The following CD247 variants were observed in gnomAD, a reference collection of about 807,000 sequenced individuals.
CD247 encodes the protein CD247 molecule, also known as T-cell surface glycoprotein CD3 zeta chain.
A neutral mutation model predicts 30.0 loss-of-function variants in CD247; 13 were observed. The ratio of observed to expected loss-of-function variants is 0.43; its 90% CI spans 0.28 to 0.69. The LOEUF is 0.69. CD247 is among the 30% of genes least tolerant of loss of function. The pLI is 0.16. For missense variants in CD247, 193 were observed against 212.6 expected (o/e 0.91, Z 0.57); for synonymous variants, 72 against 80.0 (o/e 0.90, Z 0.53).
intron 1 of CD247, among the ~76,000 whole-genome samples, chr1:167,453,296 C>A (rs995252992): frequency 6.6e-6 from 1 of 152,080 alleles, no homozygotes; most frequent in African/African-American, 2.4e-5. Flanking sequence ...GACTGAAGGT[C>A]AGGGAGGTGA....
intron 1 of CD247, among the ~76,000 whole-genome samples, chr1:167,469,737 C>A (rs1653420647): frequency 6.6e-6 from 1 of 151,956 alleles, no homozygotes; most frequent in Admixed American, 6.6e-5. Flanking sequence ...CATTACAGAG[C>A]TGTTTGAAAG....
chr1:167,506,407 G>T (rs1217228139), intron 1 of CD247, among the ~76,000 whole-genome samples: 1 of 145,942 alleles, frequency 6.9e-6, no homozygotes, highest in Non-Finnish European at 1.5e-5. Context: ...AAGTGCAGTA[G>T]TATTATCACG....
chr1:167,449,121 A>C (rs1419874911), intron 1 of CD247, among the ~76,000 whole-genome samples: 2 of 142,630 alleles, frequency 1.4e-5, no homozygotes, highest in Non-Finnish European at 3.1e-5. Flanking sequence ...TTATGTTTTG[A>C]GCGATACTTT....
At chr1:167,512,353 GA>G (rs556553174) in intron 1 of CD247, among the ~76,000 whole-genome samples, 15 of 152,308 alleles carry the variant, frequency 9.8e-5, no homozygotes, top group African/African-American at 3.6e-4. Context: ...GAGAGGCAAG[GA>G]AGAAGGAAGT....
At chr1:167,435,514 C>T in intron 4 of CD247, 80 bp from the exon 5 acceptor site, 1 of 1,138,496 alleles carries the variant, frequency 8.8e-7, no homozygotes. Context: ...CCCATCCTGC[C>T]CCCTGACTGC....
intron 1 of CD247, among the ~76,000 whole-genome samples, chr1:167,443,878 G>A (rs181110074): frequency 6.6e-6 from 1 of 152,272 alleles, no homozygotes; most frequent in East Asian, 1.9e-4. Flanking sequence ...ACCTGTGCTG[G>A]GAGAGATGGG....
chr1:167,438,728 G>A, intron 3 of CD247, 78 bp from the exon 4 acceptor site: 4 of 1,153,320 alleles, frequency 3.5e-6, no homozygotes, highest in Non-Finnish European at 5.3e-6. Flanking sequence ...GGGGAGTGTG[G>A]TTTCCCTCTC....
At chr1:167,490,777 G>A (rs1654413274) in intron 1 of CD247, among the ~76,000 whole-genome samples, 1 of 151,928 alleles carries the variant, frequency 6.6e-6, no homozygotes, top group Non-Finnish European at 1.5e-5. Context: ...TAGCCTGGTG[G>A]GGTGGTGGGT....
chr1:167,512,725 G>A (rs924134380), intron 1 of CD247, among the ~76,000 whole-genome samples: 1 of 152,078 alleles, frequency 6.6e-6, no homozygotes, highest in Non-Finnish European at 1.5e-5. Flanking sequence ...AGGCACTTCC[G>A]AATCAGATCT....
At chr1:167,483,235 C>T (rs539756879) in intron 1 of CD247, among the ~76,000 whole-genome samples, 22 of 152,006 alleles carry the variant, frequency 1.4e-4, no homozygotes, top group African/African-American at 4.8e-4. Flanking sequence ...CTCAAACTCC[C>T]GACCTCGGGT....
chr1:167,494,749 T>C lies in CD247; in HGVS notation c.58+23659A>G, dbSNP rs1314904267. ...CCTATAATTCCTGGATACAGATAAA[T>C]GTTTATTAAAGAATGTGAAGGTCTC... On this transcript the variant is annotated intron_variant, in intron 1 of 7. Coordinates refer to ENST00000362089, the MANE Select transcript of CD247 (RefSeq NM_198053.3). The surrounding 1 kb of genome is among the most constrained non-coding windows in gnomAD (Gnocchi z 7.3). 1.3e-5 allele frequency among the ~76,000 whole-genome samples: 2 copies of C among 152,200 alleles called. No homozygotes were observed. The highest frequency in any genetic ancestry group is 2.9e-5 in the Non-Finnish European group (2 of 68,042).
intron 1 of CD247, among the ~76,000 whole-genome samples, chr1:167,492,651 G>A (rs1332079709): frequency 6.6e-5 from 10 of 152,158 alleles, no homozygotes; most frequent in Admixed American, 2.0e-4. Context: ...GCCCCAGGTA[G>A]GGGACATCCC....
chr1:167,499,315 T>C (rs1654813363), intron 1 of CD247, among the ~76,000 whole-genome samples: 1 of 152,194 alleles, frequency 6.6e-6, no homozygotes, highest in South Asian at 2.1e-4. Context: ...CCAGGTGTTT[T>C]AGTGCAGAGG....
At chr1:167,483,645 T>C (rs1442002840) in intron 1 of CD247, among the ~76,000 whole-genome samples, 2 of 152,230 alleles carry the variant, frequency 1.3e-5, no homozygotes, top group Non-Finnish European at 2.9e-5. Context: ...CTTACTTGCC[T>C]GAGGTCACAC....
chr1:167,450,923 A>AAAAAG (rs1331138951), intron 1 of CD247, among the ~76,000 whole-genome samples: 2,375 of 151,212 alleles, frequency 0.016, 79 homozygotes, highest in African/African-American at 0.055. Context: ...AAAAAAAAAA[A>AAAAAG]AAAAGAAAAG....
chr1:167,480,963 T>A (rs998185602), intron 1 of CD247, among the ~76,000 whole-genome samples: 1 of 152,194 alleles, frequency 6.6e-6, no homozygotes, highest in African/African-American at 2.4e-5. Flanking sequence ...CGCTTTCTAG[T>A]ACATATATTG....
intron 1 of CD247, 43 bp downstream of exon 1, chr1:167,518,365 A>C (rs756196025): frequency 4.7e-5 from 75 of 1,600,534 alleles, no homozygotes; most frequent in Non-Finnish European, 5.8e-5. Flanking sequence ...CACATACACA[A>C]AGAGTTTCTA....
rs1571583895 is a variant in CD247, at chr1:167,494,370, A to G, written c.58+24038T>C. The stretch of plus-strand genomic sequence containing the variant: ...ACTGGCCAGGTAATTGGAACGTTCT[A>G]GAGACTGTTGGGTTGACTTGGATTT... On this transcript the variant is annotated intron_variant, in intron 1 of 7. Coordinates refer to ENST00000362089, the MANE Select transcript of CD247 (RefSeq NM_198053.3). This position sits in a 1 kb window ranked among gnomAD's most constrained non-coding sequence, Gnocchi z 7.3. 6.6e-6 allele frequency among the ~76,000 whole-genome samples: 1 copy of G among 152,180 alleles called. No homozygotes were observed. Among genetic ancestry groups the G allele is most frequent in the Non-Finnish European group, 1.5e-5 (1 of 68,030 alleles).
intron 1 of CD247, among the ~76,000 whole-genome samples, chr1:167,456,062 C>T (rs549646521): frequency 1.2e-4 from 18 of 150,800 alleles, no homozygotes; most frequent in Non-Finnish European, 1.8e-4. Context: ...GGGGTCTCTC[C>T]GTTCTCACAT....
Sources: gnomAD v4.1 joint callset for allele counts (sites outside exome capture counted in the v4.1 genomes callset) on GRCh38, gnomAD v4.1.1 for gene constraint, Gnocchi (gnomAD v3.1) non-coding constraint, MANE v1.5 for transcripts, NCBI Gene and HGNC (gene_info 2026-07-23, HGNC 2026-07-21) for gene names.